The following ANKRD30A variants were observed in gnomAD, a reference collection of about 807,000 sequenced individuals.
ANKRD30A encodes the protein ankyrin repeat domain 30A, also known as ankyrin repeat domain-containing protein 30A.
A neutral mutation model predicts 166.3 loss-of-function variants in ANKRD30A; 170 were observed. The ratio of observed to expected loss-of-function variants is 1.02; its 90% CI spans 0.90 to 1.16. The LOEUF (loss-of-function observed/expected upper bound fraction) is 1.16. Among genes scored for constraint, ANKRD30A ranks in the 50% most tolerant of loss-of-function variants. The probability of loss-of-function intolerance (pLI) is 0.00; values close to 1 mark genes in which losing one functional copy is unlikely to be tolerated. For synonymous variants in ANKRD30A, 564 were observed against 508.9 expected, an observed-to-expected ratio of 1.11 and a Z score of -1.46; for missense variants, 1,630 against 1,518.0, an observed-to-expected ratio of 1.07 and a Z score of -1.23.
intron 9 of ANKRD30A, among the ~76,000 whole-genome samples, 159 bp downstream of exon 9, chr10:37,147,616 G>A (rs1382105702): frequency 1.3e-5 from 2 of 152,130 alleles, no homozygotes; most frequent in Non-Finnish European, 2.9e-5. Context: ...TCAGGTGTTG[G>A]CAACAGGAAT....
At chr10:37,220,437 G>C (rs1483299159) in intron 34 of ANKRD30A, among the ~76,000 whole-genome samples, 1 of 150,894 alleles carries the variant, frequency 6.6e-6, no homozygotes, top group Non-Finnish European at 1.5e-5. Context: ...AGCTTTTTAT[G>C]TATTTTAGTT....
intron 25 of ANKRD30A, among the ~76,000 whole-genome samples, chr10:37,190,235 C>A (rs1046552022): frequency 6.6e-6 from 1 of 151,882 alleles, no homozygotes; most frequent in Non-Finnish European, 1.5e-5. Flanking sequence ...TGAGATTCAG[C>A]CGACTTGGGA....
chr10:37,189,210 T>C (rs2132648396), intron 24 of ANKRD30A, among the ~76,000 whole-genome samples: 1 of 57,768 alleles, frequency 1.7e-5, no homozygotes, highest in South Asian at 3.4e-4. Context: ...GTGAATTTTT[T>C]GTGAAGGTGA....
chr10:37,159,839 C>T (rs1291545242), intron 15 of ANKRD30A, among the ~76,000 whole-genome samples: 29 of 152,156 alleles, frequency 1.9e-4, no homozygotes, highest in Middle Eastern at 3.4e-3. Flanking sequence ...GGACTCCAGG[C>T]GCCTGCCACC....
At chr10:37,257,497 T>C in the ANKRD30A span, among the ~76,000 whole-genome samples, 3 of 152,216 alleles carry the variant, frequency 2.0e-5, no homozygotes, top group East Asian at 5.8e-4. Flanking sequence ...TGTTAGGGGG[T>C]CGATTTTAGA....
chr10:37,232,697 T>TATATATAGAGAGAGAGAGAGAG (rs1273812991), downstream of ANKRD30A: 2 of 78,400 alleles, frequency 2.6e-5, no homozygotes, highest in African/African-American at 9.8e-5. Context: ...TATATATAAA[T>TATATATAGAGAGAGAGAGAGAG]AGAGAGAGAG....
intron 17 of ANKRD30A, among the ~76,000 whole-genome samples, chr10:37,164,842 A>G (rs938207559): frequency 6.6e-6 from 1 of 152,104 alleles, no homozygotes; most frequent in Non-Finnish European, 1.5e-5. Context: ...TGCTTTGTGA[A>G]GAAATAATTC....
chr10:37,212,295 A>G lies in ANKRD30A; in HGVS notation c.2870-3886A>G, dbSNP rs537845702. Among the ~76,000 whole-genome samples the G allele has an allele frequency of 1.4e-3, 214 of 152,212 alleles. 1 individual carries two copies. The highest frequency in any genetic ancestry group is 5.1e-3 in the African/African-American group (210 of 41,550). On this transcript the variant is annotated intron_variant, in intron 31 of 35. Coordinates refer to ENST00000361713, the MANE Select transcript of ANKRD30A (RefSeq NM_052997.3). ...TTGCTTCAAAGAGAGTAAAATACCT[A>G]GGAATCCAACTTACAAGGGATGTGA...
intron 1 of ANKRD30A, among the ~76,000 whole-genome samples, chr10:37,127,704 T>C (rs1294066857): frequency 6.6e-6 from 1 of 152,128 alleles, no homozygotes; most frequent in Admixed American, 6.5e-5. Flanking sequence ...TATTTAGTGT[T>C]CCTGGTTAGA....
chr10:37,235,523 T>G (rs562362940), downstream of ANKRD30A, among the ~76,000 whole-genome samples: 3 of 152,284 alleles, frequency 2.0e-5, no homozygotes, highest in South Asian at 2.1e-4. Context: ...GGTATTACAT[T>G]TTACTTTAAA....
At chr10:37,126,090 G>T in intron 1 of ANKRD30A, 82 bp downstream of exon 1, 1 of 1,484,066 alleles carries the variant, frequency 6.7e-7, no homozygotes, top group South Asian at 1.1e-5. Context: ...GGGGGCTGGG[G>T]GGCCTGGGGA....
chr10:37,247,930 T>C, the ANKRD30A span, among the ~76,000 whole-genome samples: 1 of 149,698 alleles, frequency 6.7e-6, no homozygotes, highest in East Asian at 2.0e-4. Flanking sequence ...TTAGGCTTAA[T>C]ACCTGGGTGA....
chr10:37,220,965 A>G (rs1054276101), intron 34 of ANKRD30A, among the ~76,000 whole-genome samples: 4 of 150,984 alleles, frequency 2.6e-5, no homozygotes, highest in African/African-American at 9.7e-5. Flanking sequence ...AGGAACTTTG[A>G]TGTTGATTTG....
chr10:37,234,988 AG>A (rs1177325061), downstream of ANKRD30A, among the ~76,000 whole-genome samples: 1 of 152,172 alleles, frequency 6.6e-6, no homozygotes, highest in African/African-American at 2.4e-5. Flanking sequence ...CAAACAAAAT[AG>A]TCCTGTTTGC....
the ANKRD30A span, among the ~76,000 whole-genome samples, chr10:37,247,475 A>G: frequency 6.6e-6 from 1 of 152,106 alleles, no homozygotes; most frequent in Non-Finnish European, 1.5e-5. Flanking sequence ...GAATCATGGA[A>G]TCTCATGGTT....
rs1185313567 is a variant in ANKRD30A, at chr10:37,153,773, G to GA, written c.1798+118dup. On this transcript the variant is annotated intron_variant, in intron 13 of 35. Coordinates refer to ENST00000361713, the MANE Select transcript of ANKRD30A (RefSeq NM_052997.3). Reference sequence around the variant, plus strand: ...AATTACCTCCTAAATGCAAACCATGGAAAAAAAGAGAAGTGCAATGGTCGT... The same window carrying GA: ...AATTACCTCCTAAATGCAAACCATGGAAAAAAAAGAGAAGTGCAATGGTCGT... 1.1e-5 allele frequency: 16 copies of GA among 1,417,196 alleles called. No homozygotes were observed. In the Admixed American group the frequency reaches 3.2e-4, roughly 28 times the overall value. The allele number at this position is 1,417,196 out of a possible 1,614,324, so 87.8% of individuals were successfully genotyped here.
intron 8 of ANKRD30A, among the ~76,000 whole-genome samples, chr10:37,146,070 C>G (rs994810352): frequency 2.6e-5 from 4 of 152,262 alleles, no homozygotes; most frequent in African/African-American, 7.2e-5. Flanking sequence ...CAGGAAGTGC[C>G]TGACCTCTTA....
At chr10:37,156,134 C>A (rs951915271) in intron 13 of ANKRD30A, among the ~76,000 whole-genome samples, 1 of 151,376 alleles carries the variant, frequency 6.6e-6, no homozygotes, top group Non-Finnish European at 1.5e-5. Flanking sequence ...TTTAATTAGA[C>A]GCTATTCATG....
the ANKRD30A span, among the ~76,000 whole-genome samples, chr10:37,244,713 A>T: frequency 6.6e-6 from 1 of 152,190 alleles, no homozygotes; most frequent in Non-Finnish European, 1.5e-5. Flanking sequence ...TTTCCTGCTC[A>T]GGTGCTGAAA....
Sources: allele counts gnomAD v4.1 joint callset (sites outside exome capture counted in the v4.1 genomes callset), GRCh38; gene constraint gnomAD v4.1.1; transcripts MANE v1.5; gene names NCBI Gene and HGNC (gene_info 2026-07-23, HGNC 2026-07-21).